CTBP1: variants seen among roughly 807,000 people sequenced by gnomAD.
CTBP1 encodes the protein C-terminal binding protein 1.
In CTBP1, 11 loss-of-function variants were observed where a neutral mutation model predicts 42.1. That is an observed-to-expected ratio of 0.26 (90% confidence interval 0.16 to 0.43). The LOEUF (loss-of-function observed/expected upper bound fraction) is 0.43, where lower values mean the gene tolerates loss of function less well. Ranked by LOEUF, CTBP1 falls within the 20% of genes least tolerant of loss-of-function variation. The pLI is 1.00. For missense variants in CTBP1, 399 were observed against 624.3 expected (o/e 0.64, Z 3.85); for synonymous variants, 324 against 277.1 (o/e 1.17, Z -1.68).
chr4:1,215,921 G>T, intron 6 of CTBP1, 70 bp downstream of exon 6: 9 of 1,490,028 alleles, frequency 6.0e-6, no homozygotes, highest in Non-Finnish European at 8.2e-6. Flanking sequence ...CTGCTGGGAG[G>T]GACCTGCCTG....
intron 1 of CTBP1, chr4:1,242,435 G>C: frequency 2.0e-6 from 2 of 985,474 alleles, no homozygotes; most frequent in Non-Finnish European, 2.4e-6. Flanking sequence ...CAGGCCAGAA[G>C]GGGCCACTCA....
rs778885405 is a variant in CTBP1 at position 1,241,381 on chromosome 4, C to T, written c.-50G>A. The T allele has an allele frequency of 5.2e-6, 6 of 1,153,164 alleles. No homozygotes were observed. Among genetic ancestry groups the T allele is most frequent in the Admixed American group, 5.0e-5 (3 of 59,474 alleles). 71.4% of individuals were successfully genotyped at this position (1,153,164 alleles called of 1,614,324 possible). On this transcript the variant is annotated 5_prime_UTR_variant, in exon 2 of 10. Transcript: ENST00000382952. ...CGACCATGAATTCGACTTTTCAAAG[C>T]TTTTTATCTTCAGGATCCCCAGGCA...
chr4:1,223,772 A>G (rs1251604038), intron 5 of CTBP1, among the ~76,000 whole-genome samples: 2 of 151,200 alleles, frequency 1.3e-5, no homozygotes, highest in Non-Finnish European at 2.9e-5. Flanking sequence ...TCCCAGCTCT[A>G]CTTTCCCTTA....
chr4:1,238,096 G>T lies in CTBP1; in HGVS notation c.162+87C>A. ...TCCTGCCCCAGTGGCACCCAGACCT[G>T]CTGTGGCCCGGGCCTGCCGTGCTCC... On this transcript the variant is annotated intron_variant, in intron 3 of 9. Coordinates refer to ENST00000382952, the MANE Select transcript of CTBP1 (RefSeq NM_001012614.2). This position sits in a 1 kb window ranked among gnomAD's most constrained non-coding sequence, Gnocchi z 5.9. 6.4e-7 allele frequency: 1 copy of T among 1,563,382 alleles called. No individual in the cohort carries two copies. The highest frequency in any genetic ancestry group is 1.1e-5 in the South Asian group (1 of 90,246).
Position 1,213,482 on chromosome 4 carries a change from G to A in CTBP1, c.984C>T (p.Ile328=), listed in dbSNP as rs749187606. ...CCGAGCGGCCCCCACGCCCACCTGTGATGGCTCTGCGGATCTCCCGTGCCG... is the reference window on the plus strand; with the variant it reads ...CCGAGCGGCCCCCACGCCCACCTGTAATGGCTCTGCGGATCTCCCGTGCCG... The part of the protein sequence containing the change: ...EEAAREIRRA[I]TGRIPDSLKN... The change falls in exon 8 of 10, where the codon ATC becomes ATT. Residue 328 remains isoleucine, a synonymous_variant. Transcript: ENST00000382952. The A allele has an allele frequency of 2.5e-5, 40 of 1,610,972 alleles. No individual in the cohort carries two copies. Among genetic ancestry groups the A allele is most frequent in the Non-Finnish European group, 2.3e-5 (27 of 1,179,860 alleles).
chr4:1,248,850 C>A, intron 1 of CTBP1, 66 bp downstream of exon 1: 6 of 907,704 alleles, frequency 6.6e-6, no homozygotes, highest in Non-Finnish European at 7.9e-6. Context: ...GCGCCCCCCG[C>A]CCGCGCGGCA....
In CTBP1 at chr4:1,247,773, G is replaced by GA. The variant is rs55946408; in HGVS notation, c.-189+1142_-189+1143insT. ...AACGGTGGAGAGGCCGGGGAGGGGG[G>GA]GGGGGCTCGGGCTCAACGGAACACC... On this transcript the variant is annotated intron_variant, in intron 1 of 9. Coordinates refer to ENST00000382952, the MANE Select transcript of CTBP1 (RefSeq NM_001012614.2). Among the ~76,000 whole-genome samples, 13 of 149,684 alleles carry GA rather than the reference G, an allele frequency of 8.7e-5. 1 individual carries two copies. Among genetic ancestry groups the GA allele is most frequent in the South Asian group, 2.1e-4 (1 of 4,658 alleles).
chr4:1,241,175 G>A lies in CTBP1; in HGVS notation c.7+150C>T, dbSNP rs543008984. On this transcript the variant is annotated intron_variant, in intron 2 of 9. Coordinates refer to ENST00000382952, the MANE Select transcript of CTBP1 (RefSeq NM_001012614.2). The stretch of plus-strand genomic sequence containing the variant: ...CTCGAGGGGCACCTGACCTCGCCCA[G>A]AGCACACCGGGGGTCAGGTGGCAGC... 17 of 743,986 alleles carry A rather than the reference G, an allele frequency of 2.3e-5. No homozygotes were observed. The African/African-American group carries it at 2.9e-4, about 13-fold the overall frequency. 46.1% of individuals were successfully genotyped at this position (743,986 alleles called of 1,614,324 possible).
At chr4:1,213,692 G>C (rs568380494) in intron 7 of CTBP1, 87 bp from the exon 8 acceptor site, 83 of 1,504,558 alleles carry the variant, frequency 5.5e-5, no homozygotes, top group Non-Finnish European at 7.0e-5. Context: ...AACCCCCTGT[G>C]GGGGGCCCTG....
At chr4:1,223,845 G>A (rs927525064) in intron 5 of CTBP1, among the ~76,000 whole-genome samples, 5 of 152,204 alleles carry the variant, frequency 3.3e-5, no homozygotes, top group Non-Finnish European at 4.4e-5. Flanking sequence ...ACATGCACAC[G>A]CTTGCCGCTC....
chr4:1,237,118 T>A, intron 3 of CTBP1: 1 of 642,066 alleles, frequency 1.6e-6, no homozygotes, highest in Non-Finnish European at 2.8e-6. Flanking sequence ...AGAAACCGAG[T>A]GTCCACCTCC....
At chr4:1,241,223 G>A in intron 2 of CTBP1, 102 bp downstream of exon 2, 1 of 776,536 alleles carries the variant, frequency 1.3e-6, no homozygotes, top group Non-Finnish European at 2.4e-6. Flanking sequence ...CGCCCATGCA[G>A]CCCAGGTCCC....
chr4:1,226,413 G>C (rs1577042819), intron 4 of CTBP1, among the ~76,000 whole-genome samples: 1 of 152,138 alleles, frequency 6.6e-6, no homozygotes, highest in East Asian at 1.9e-4. Flanking sequence ...GGACAGGACC[G>C]TGTGGTTCCG....
At chr4:1,229,314 C>T (rs988630769) in intron 3 of CTBP1, among the ~76,000 whole-genome samples, 4 of 152,252 alleles carry the variant, frequency 2.6e-5, no homozygotes, top group African/African-American at 7.2e-5. Context: ...CACCCGCACA[C>T]GTCCATCCCA....
rs766585499 is a variant in CTBP1 at position 1,225,573 on chromosome 4, G to A, written c.308-7C>T. 1.7e-5 allele frequency: 26 copies of A among 1,538,582 alleles called. No individual in the cohort carries two copies. The South Asian group carries it at 3.0e-4, about 18-fold the overall frequency. The stretch of plus-strand genomic sequence containing the variant: ...ACGTTGCAGACGGCAATGCCTGTGG[G>A]GACAAGGACACGGCGGTCACCCCCG... On this transcript the variant is annotated splice_polypyrimidine_tract_variant and splice_region_variant and intron_variant, in intron 4 of 9. Coordinates refer to ENST00000382952, the MANE Select transcript of CTBP1 (RefSeq NM_001012614.2).
chr4:1,216,389 C>T (rs1263445378), intron 5 of CTBP1, 184 bp from the exon 6 acceptor site: 13 of 628,162 alleles, frequency 2.1e-5, no homozygotes, highest in South Asian at 9.7e-5. Context: ...CGCTCCAACG[C>T]GCCCACTGCC....
At chr4:1,239,338 G>C (rs1270692933) in intron 2 of CTBP1, among the ~76,000 whole-genome samples, 1 of 152,186 alleles carries the variant, frequency 6.6e-6, no homozygotes, top group Non-Finnish European at 1.5e-5. Context: ...CCAGGGCCCA[G>C]CCGGTCCCTC....
chr4:1,231,466 G>T (rs1294424900), intron 3 of CTBP1, among the ~76,000 whole-genome samples: 2 of 152,188 alleles, frequency 1.3e-5, no homozygotes, highest in Admixed American at 1.3e-4. Flanking sequence ...AGCAGGCTGG[G>T]GAAAGCTGGG....
At position 1,235,353 on chromosome 4, in the gene CTBP1, C is replaced by T. The variant is rs577472218; in HGVS notation, c.162+2830G>A. The T allele has an allele frequency of 3.3e-5, 5 of 152,306 alleles. 2 individuals carry two copies. Among genetic ancestry groups the T allele is most frequent in the African/African-American group, 1.2e-4 (5 of 41,532 alleles). 9.4% of individuals were successfully genotyped at this position (152,306 alleles called of 1,614,324 possible). A position where few individuals can be genotyped will look rare whatever the true frequency, so the allele number is the denominator to read the frequency against. ...CGCCCCAGCAGACGCTCCCGGCAGA[C>T]CACGCGCATTTTTAACATCAGATTT... On this transcript the variant is annotated intron_variant, in intron 3 of 9. Coordinates refer to ENST00000382952, the MANE Select transcript of CTBP1 (RefSeq NM_001012614.2). This position sits in a 1 kb window ranked among gnomAD's most constrained non-coding sequence, Gnocchi z 4.2.
Sources: allele counts gnomAD v4.1 joint callset (sites outside exome capture counted in the v4.1 genomes callset), GRCh38; gene constraint gnomAD v4.1.1; non-coding constraint Gnocchi (gnomAD v3.1); transcripts MANE v1.5; gene names NCBI Gene and HGNC (gene_info 2026-07-23, HGNC 2026-07-21).